XRCC4: variants seen among roughly 807,000 people sequenced by gnomAD.
XRCC4 encodes DNA repair protein XRCC4.
A neutral mutation model predicts 39.1 loss-of-function variants in XRCC4; 28 were observed. That is an observed-to-expected ratio of 0.72 (90% CI 0.53 to 0.98). The LOEUF is 0.98. Ranked by LOEUF, XRCC4 falls within the 50% of genes least tolerant of loss-of-function variation. The pLI, the probability that XRCC4 is intolerant of heterozygous loss-of-function variation, is 0.00. For synonymous variants in XRCC4, 123 were observed against 126.4 expected (o/e 0.97, Z 0.18); for missense variants, 350 against 376.4 (o/e 0.93, Z 0.58).
chr5:83,196,729 A>G (rs757057794), intron 4 of XRCC4, among the ~76,000 whole-genome samples: 11 of 151,382 alleles, frequency 7.3e-5, no homozygotes, highest in Non-Finnish European at 1.6e-4. Context: ...TGGAATATAT[A>G]TATAATAATG....
chr5:83,206,658 AG>A (rs778471751), intron 6 of XRCC4, among the ~76,000 whole-genome samples: 11 of 152,222 alleles, frequency 7.2e-5, no homozygotes, highest in Admixed American at 2.0e-4. Flanking sequence ...GATAAAGAAA[AG>A]TATTTTTGTT....
At chr5:83,116,570 G>A (rs1051793609) in intron 3 of XRCC4, among the ~76,000 whole-genome samples, 37 of 135,392 alleles carry the variant, frequency 2.7e-4, no homozygotes, top group African/African-American at 9.3e-4. Flanking sequence ...CCTGTCTTAT[G>A]TTTTGTCTGA....
chr5:83,116,968 T>C (rs1012187822), intron 3 of XRCC4, among the ~76,000 whole-genome samples: 3 of 152,274 alleles, frequency 2.0e-5, no homozygotes, highest in East Asian at 1.9e-4. Flanking sequence ...ATTTTTAGCT[T>C]GTTTGTCAAT....
intron 1 of XRCC4, among the ~76,000 whole-genome samples, chr5:83,079,184 T>A (rs1219842964): frequency 3.9e-5 from 6 of 152,256 alleles, no homozygotes. Context: ...AGGCTATGAC[T>A]TCTTATGTAC....
At chr5:83,077,671 C>T (rs970785148) in intron 1 of XRCC4, 56 bp downstream of exon 1, 2 of 262,288 alleles carry the variant, frequency 7.6e-6, no homozygotes, top group African/African-American at 4.4e-5. Flanking sequence ...AGGTTCTGTT[C>T]TTTTTATCTT....
intron 3 of XRCC4, among the ~76,000 whole-genome samples, chr5:83,186,988 G>T (rs1391093286): frequency 2.4e-5 from 1 of 41,572 alleles, no homozygotes; most frequent in Non-Finnish European, 5.1e-5. Flanking sequence ...CTGTCGCCCA[G>T]GCTGGAGTGC....
At chr5:83,311,316 A>G (rs1755703749) in intron 7 of XRCC4, among the ~76,000 whole-genome samples, 1 of 152,232 alleles carries the variant, frequency 6.6e-6, no homozygotes, top group Admixed American at 6.5e-5. Context: ...ACTATAATCA[A>G]CAATAATCTA....
chr5:83,349,293 G>C (rs368242673), intron 7 of XRCC4, among the ~76,000 whole-genome samples: 4 of 152,300 alleles, frequency 2.6e-5, no homozygotes, highest in East Asian at 1.9e-4. Context: ...TTCAAAAAGA[G>C]ATTCAGGTGG....
chr5:83,328,396 G>A (rs1756334896), intron 7 of XRCC4, among the ~76,000 whole-genome samples: 1 of 151,936 alleles, frequency 6.6e-6, no homozygotes, highest in Admixed American at 6.6e-5. Context: ...TAAATACTTT[G>A]AATTAATAAG....
chr5:83,203,268 AC>A (rs1751284777), intron 4 of XRCC4, among the ~76,000 whole-genome samples: 1 of 152,160 alleles, frequency 6.6e-6, no homozygotes, highest in Non-Finnish European at 1.5e-5. Context: ...TTGTAAATAA[AC>A]CATATGTATC....
At chr5:83,215,624 C>A (rs572672600) in intron 6 of XRCC4, among the ~76,000 whole-genome samples, 2 of 152,264 alleles carry the variant, frequency 1.3e-5, no homozygotes, top group Admixed American at 6.5e-5. Context: ...GACATAGTCT[C>A]ACTGATAAAA....
At chr5:83,109,214 T>C (rs1257373502) in intron 2 of XRCC4, among the ~76,000 whole-genome samples, 1 of 151,890 alleles carries the variant, frequency 6.6e-6, no homozygotes, top group Non-Finnish European at 1.5e-5. Flanking sequence ...GATTTCCTTA[T>C]ATTCTGTAAT....
chr5:83,081,889 C>G (rs1194105458), intron 1 of XRCC4, among the ~76,000 whole-genome samples: 1 of 152,090 alleles, frequency 6.6e-6, no homozygotes, highest in Non-Finnish European at 1.5e-5. Flanking sequence ...CTCAGATGTC[C>G]CAGACCGAAC....
intron 7 of XRCC4, among the ~76,000 whole-genome samples, chr5:83,290,325 C>G (rs73769441): frequency 0.039 from 5,834 of 151,446 alleles, 334 homozygotes; most frequent in African/African-American, 0.13. Flanking sequence ...CTTATTTTGA[C>G]TTATATATAC....
At chr5:83,171,298 G>T (rs528004127) in intron 3 of XRCC4, among the ~76,000 whole-genome samples, 18 of 152,090 alleles carry the variant, frequency 1.2e-4, no homozygotes, top group African/African-American at 1.9e-4. Flanking sequence ...TCTACCACCA[G>T]AGGAGCATTT....
At chr5:83,329,738 TCAAA>T (rs1297539387) in intron 7 of XRCC4, among the ~76,000 whole-genome samples, 2 of 152,066 alleles carry the variant, frequency 1.3e-5, no homozygotes, top group Non-Finnish European at 2.9e-5. Context: ...TGAGGAAATC[TCAAA>T]CAAACTCAAA....
At chr5:83,331,717 A>G (rs1756441728) in intron 7 of XRCC4, among the ~76,000 whole-genome samples, 1 of 152,144 alleles carries the variant, frequency 6.6e-6, no homozygotes, top group African/African-American at 2.4e-5. Context: ...TTTCCTGTTG[A>G]AATAAAATTC....
intron 6 of XRCC4, among the ~76,000 whole-genome samples, chr5:83,228,000 G>A (rs575211375): frequency 1.3e-5 from 2 of 152,118 alleles, no homozygotes; most frequent in Non-Finnish European, 2.9e-5. Flanking sequence ...TTCTTTAAGG[G>A]GAGGAGGAAT....
At chr5:83,107,697 C>G (rs1252701424) in intron 2 of XRCC4, among the ~76,000 whole-genome samples, 3 of 151,900 alleles carry the variant, frequency 2.0e-5, no homozygotes, top group Non-Finnish European at 2.9e-5. Flanking sequence ...TATCACCCAT[C>G]TCTGGAGTAG....
Sources: allele counts gnomAD v4.1 joint callset (sites outside exome capture counted in the v4.1 genomes callset), GRCh38; gene constraint gnomAD v4.1.1; transcripts MANE v1.5; gene names NCBI Gene and HGNC (gene_info 2026-07-23, HGNC 2026-07-21).